WNT2B: variants seen among roughly 807,000 people sequenced by gnomAD.
WNT2B encodes Wnt family member 2B.
A neutral mutation model predicts 40.5 loss-of-function variants in WNT2B; 19 were observed. The observed-to-expected ratio is 0.47, with a 90% CI of 0.33 to 0.69. The LOEUF is 0.69. Ranked by LOEUF, WNT2B falls within the 30% of genes least tolerant of loss-of-function variation. The pLI, the probability that WNT2B is intolerant of heterozygous loss-of-function variation, is 0.02. For missense variants in WNT2B, 467 were observed against 556.4 expected (o/e 0.84, Z 1.62); for synonymous variants, 220 against 211.9 (o/e 1.04, Z -0.33).
intron 1 of WNT2B, among the ~76,000 whole-genome samples, chr1:112,477,748 A>G (rs564799251): frequency 1.1e-4 from 16 of 152,350 alleles, no homozygotes; most frequent in Non-Finnish European, 1.0e-4. Flanking sequence ...TGAAAATACA[A>G]TAGAGAATTT....
At chr1:112,467,176 A>T (rs1650732795) in exon 1 of WNT2B, 1 of 269,126 alleles carries the variant, frequency 3.7e-6, no homozygotes, top group African/African-American at 2.2e-5. Flanking sequence ...TAGCATATAC[A>T]GTGCACCAAG....
Position 112,509,317 on chromosome 1 carries a change from A to G in WNT2B, c.55A>G (p.Ser19Gly). ...TGCGCAGCTCCCGCTTCGGCGCGCC[A>G]GCGCCCCGGTCCCTGTGCCGTCGCC... is the stretch of plus-strand genomic sequence containing the variant. Reference protein sequence around the residue: ...EAAQLPLRRASAPVPVPSPAA... With the variant: ...EAAQLPLRRAGAPVPVPSPAA... The change falls in exon 1 of 5, where the codon AGC (serine) becomes GGC (glycine). Residue 19 changes from serine to glycine, a missense_variant. By Grantham distance (56) the Ser-to-Gly change is moderately conservative. This residue lies in a region of WNT2B where 137 missense variants were observed against 117.7 expected (regional missense o/e 1.16). Coordinates refer to ENST00000369684, the MANE Select transcript of WNT2B (RefSeq NM_024494.3). This position sits in a 1 kb window ranked among gnomAD's most constrained non-coding sequence, Gnocchi z 4.2. The G allele has an allele frequency of 1.3e-6, 2 of 1,571,910 alleles. No homozygotes were observed. The highest frequency in any genetic ancestry group is 2.3e-5 in the East Asian group (1 of 42,990).
chr1:112,476,477 C>T (rs1159853608), intron 1 of WNT2B, among the ~76,000 whole-genome samples: 2 of 152,064 alleles, frequency 1.3e-5, no homozygotes, highest in Admixed American at 6.6e-5. Context: ...TCTGGGAGAG[C>T]TGCAGAGTAC....
In WNT2B at chr1:112,525,238, G is replaced by A. The variant is rs1653218675; in HGVS notation, c.*4729G>A. ...CTCTTAACTGGGTTAGAAAACTGGA[G>A]AGCTTTGGATTCCAGGGATGATCTC... On this transcript the variant is annotated 3_prime_UTR_variant, in exon 5 of 5. Transcript: ENST00000369684. 1 of 152,236 alleles carries A rather than the reference G, an allele frequency of 6.6e-6. No homozygotes were observed. The highest frequency in any genetic ancestry group is 2.1e-4 in the South Asian group (1 of 4,838). The allele number at this position is 152,236 out of a possible 1,614,324, so 9.4% of individuals were successfully genotyped here. A position where few individuals can be genotyped will look rare whatever the true frequency, so the allele number is the denominator to read the frequency against.
At chr1:112,472,563 A>C (rs1368487024) in intron 1 of WNT2B, among the ~76,000 whole-genome samples, 1 of 151,940 alleles carries the variant, frequency 6.6e-6, no homozygotes, top group Non-Finnish European at 1.5e-5. Context: ...ACCAATGAAA[A>C]AAAAAAAAAA....
intron 3 of WNT2B, 62 bp from the exon 4 acceptor site, chr1:112,517,059 G>A (rs1652584822): frequency 6.4e-7 from 1 of 1,565,730 alleles, no homozygotes; most frequent in South Asian, 1.2e-5. Flanking sequence ...TTTGGACCTA[G>A]GGATGACTAA....
At chr1:112,513,755 C>T (rs1045372468) in intron 1 of WNT2B, among the ~76,000 whole-genome samples, 2 of 152,194 alleles carry the variant, frequency 1.3e-5, no homozygotes, top group East Asian at 1.9e-4. Context: ...GGAGGGAGGG[C>T]AGCCCTTTGA....
At chr1:112,511,371 A>T (rs1652342991) in intron 1 of WNT2B, among the ~76,000 whole-genome samples, 1 of 152,202 alleles carries the variant, frequency 6.6e-6, no homozygotes, top group Admixed American at 6.5e-5. Flanking sequence ...CACACCTGTC[A>T]TAGCTACAGG....
chr1:112,519,954 G>A lies in WNT2B; in HGVS notation c.947-326G>A, dbSNP rs1652771913. 2.0e-5 allele frequency among the ~76,000 whole-genome samples: 3 copies of A among 146,642 alleles called. No homozygotes were observed. The South Asian group carries it at 6.4e-4, about 31-fold the overall frequency. On this transcript the variant is annotated intron_variant, in intron 4 of 4. Coordinates refer to ENST00000369684, the MANE Select transcript of WNT2B (RefSeq NM_024494.3). ...AGTGGTGCAATCTTGGCTCACTGCAGCCTCGACCTCCCAGCCTCGTGTTAC... is the reference window on the plus strand; with the variant it reads ...AGTGGTGCAATCTTGGCTCACTGCAACCTCGACCTCCCAGCCTCGTGTTAC...
rs1286365532 is a variant in WNT2B at position 112,526,330 on chromosome 1, C to T, written c.*5821C>T. On this transcript the variant is annotated 3_prime_UTR_variant, in exon 5 of 5. Transcript: ENST00000369684. ...TAAACAACTCTGGCTCCTAATTCTA[C>T]TCCTTTTTTCCCCTTCAGATTAACA... 8 of 472,440 alleles carry T rather than the reference C, an allele frequency of 1.7e-5. No homozygotes were observed. The highest frequency in any genetic ancestry group is 1.6e-4 in the East Asian group (5 of 31,418). The allele number at this position is 472,440 out of a possible 1,614,324, so 29.3% of individuals were successfully genotyped here.
chr1:112,485,361 T>C (rs1557910384), intron 1 of WNT2B, among the ~76,000 whole-genome samples: 1 of 151,494 alleles, frequency 6.6e-6, no homozygotes, highest in Non-Finnish European at 1.5e-5. Flanking sequence ...CACAGGAGGC[T>C]GAGGCACGAG....
In WNT2B at chr1:112,517,110, C is replaced by T. The variant is rs756947898; in HGVS notation, c.682-11C>T. On this transcript the variant is annotated splice_polypyrimidine_tract_variant and intron_variant, in intron 3 of 4. Coordinates refer to ENST00000369684, the MANE Select transcript of WNT2B (RefSeq NM_024494.3). ...GCTACTTCTCCCTTAACTGCCTTCCCCCTCCCCCAGGCTGTGCGGCGGTTT... is the reference window on the plus strand; with the variant it reads ...GCTACTTCTCCCTTAACTGCCTTCCTCCTCCCCCAGGCTGTGCGGCGGTTT... The T allele has an allele frequency of 6.2e-7, 1 of 1,605,408 alleles. No homozygotes were observed. Among genetic ancestry groups the T allele is most frequent in the East Asian group, 2.2e-5 (1 of 44,654 alleles).
intron 1 of WNT2B, among the ~76,000 whole-genome samples, chr1:112,484,258 C>CATATATAT (rs1296378064): frequency 1.8e-5 from 2 of 110,464 alleles, no homozygotes; most frequent in Non-Finnish European, 3.5e-5. Context: ...TATATATACA[C>CATATATAT]ATATATATAT....
intron 1 of WNT2B, among the ~76,000 whole-genome samples, chr1:112,499,400 C>CCA (rs1651876897): frequency 6.6e-6 from 1 of 152,032 alleles, no homozygotes; most frequent in Non-Finnish European, 1.5e-5. Flanking sequence ...ATGCAAAAAT[C>CCA]CACAAAATAT....
chr1:112,509,098 C>G lies in WNT2B; in HGVS notation c.-165C>G, dbSNP rs1447236694. 5.9e-6 allele frequency: 8 copies of G among 1,357,932 alleles called. No individual in the cohort carries two copies. The highest frequency in any genetic ancestry group is 3.7e-5 in the South Asian group (2 of 54,508). The allele number at this position is 1,357,932 out of a possible 1,614,324, so 84.1% of individuals were successfully genotyped here. ...CGGACATCGCAACTTGCGCCCCTCT[C>G]GGGGATCCTCCTCCCGGGCTCTGGA... On this transcript the variant is annotated 5_prime_UTR_variant, in exon 1 of 5. Transcript: ENST00000369684. This position sits in a 1 kb window ranked among gnomAD's most constrained non-coding sequence, Gnocchi z 4.2.
intron 1 of WNT2B, among the ~76,000 whole-genome samples, chr1:112,474,786 A>G (rs577059832): frequency 9.9e-5 from 15 of 152,222 alleles, no homozygotes; most frequent in Non-Finnish European, 2.1e-4. Flanking sequence ...TGATTGGATC[A>G]TGAGCATGGA....
chr1:112,519,886 T>G (rs1440286703), intron 4 of WNT2B, among the ~76,000 whole-genome samples: 1 of 149,550 alleles, frequency 6.7e-6, no homozygotes, highest in African/African-American at 2.5e-5. Context: ...TTTTTTTTTT[T>G]TTTTTTGGAG....
chr1:112,508,952 G>T, upstream of WNT2B: 2 of 1,165,638 alleles, frequency 1.7e-6, no homozygotes, highest in Non-Finnish European at 2.1e-6. This position sits in a 1 kb window ranked among gnomAD's most constrained non-coding sequence, Gnocchi z 4.2. Flanking sequence ...GCCCGCGGCC[G>T]AAGGGGCTGT....
chr1:112,507,859 GC>G (rs10708629), upstream of WNT2B, among the ~76,000 whole-genome samples: 954 of 152,350 alleles, frequency 6.3e-3, 9 homozygotes, highest in African/African-American at 0.021. Context: ...TCGAAGTTAA[GC>G]CCAGGATTTT....
Sources: allele counts gnomAD v4.1 joint callset (sites outside exome capture counted in the v4.1 genomes callset), GRCh38; gene constraint gnomAD v4.1.1; regional missense constraint gnomAD v4.1.1; non-coding constraint Gnocchi (gnomAD v3.1); transcripts MANE v1.5; gene names NCBI Gene and HGNC (gene_info 2026-07-23, HGNC 2026-07-21).